The following PMM2 variants were observed in gnomAD, a reference collection of about 807,000 sequenced individuals.
PMM2 encodes the protein mannose-6-phosphate isomerase.
Under a neutral mutation model 33.2 loss-of-function variants are expected in PMM2, and 35 were observed. The ratio of observed to expected loss-of-function variants is 1.06; its 90% CI spans 0.81 to 1.40. The LOEUF (loss-of-function observed/expected upper bound fraction) is 1.40. Among genes scored for constraint, PMM2 ranks in the 40% most tolerant of loss-of-function variants. The pLI is 0.00. For synonymous variants in PMM2, 153 were observed against 114.7 expected (o/e 1.33, Z -2.13); for missense variants, 386 against 306.0 (o/e 1.26, Z -1.95).
intron 7 of PMM2, among the ~76,000 whole-genome samples, chr16:8,822,190 G>C (rs567641721): frequency 1.1e-4 from 17 of 152,288 alleles, no homozygotes; most frequent in South Asian, 2.1e-4. Flanking sequence ...GAAATCATAG[G>C]GGGTGGAAGT....
chr16:8,825,113 C>T (rs867577510), intron 7 of PMM2, among the ~76,000 whole-genome samples: 3 of 152,232 alleles, frequency 2.0e-5, no homozygotes, highest in African/African-American at 7.2e-5. Flanking sequence ...TCACTGCAAG[C>T]TCTATCTCCT....
intron 7 of PMM2, among the ~76,000 whole-genome samples, chr16:8,847,483 C>G (rs1470157571): frequency 6.6e-6 from 1 of 151,908 alleles, no homozygotes; most frequent in African/African-American, 2.4e-5. Flanking sequence ...ATCGTGATGG[C>G]TCTCATAGGC....
chr16:8,805,586 AT>A (rs56945546), intron 3 of PMM2, among the ~76,000 whole-genome samples: 14,044 of 143,102 alleles, frequency 0.098, 803 homozygotes, highest in Middle Eastern at 0.17. Flanking sequence ...CACTATAAGC[AT>A]TTTTTTTTTT....
At chr16:8,819,275 C>T (rs2060724058) in intron 7 of PMM2, among the ~76,000 whole-genome samples, 1 of 152,188 alleles carries the variant, frequency 6.6e-6, no homozygotes, top group Admixed American at 6.5e-5. Flanking sequence ...GTGGACCCAT[C>T]TCTAGGGCTT....
At position 8,804,756 on chromosome 16, in the gene PMM2, T is replaced by TGATTGTAGTAGA; in HGVS notation, c.179-11_179-10insGATTGTAGTAGA. ...TTTGCATTCTAAGTGTTTTTTTGGT[T>TGATTGTAGTAGA]TTGATTGTAGTGGTTGAAAAATACG... On this transcript the variant is annotated splice_polypyrimidine_tract_variant and intron_variant, in intron 2 of 7. Transcript: ENST00000268261. 6.2e-7 allele frequency: 1 copy of TGATTGTAGTAGA among 1,604,582 alleles called. No individual in the cohort carries two copies.
chr16:8,842,964 G>A (rs1226465329), intron 7 of PMM2, among the ~76,000 whole-genome samples: 2 of 152,102 alleles, frequency 1.3e-5, no homozygotes, highest in Non-Finnish European at 2.9e-5. Flanking sequence ...AGAGGAAGAC[G>A]CAAAGGAGGC....
At chr16:8,813,290 C>T (rs946426059) in intron 7 of PMM2, among the ~76,000 whole-genome samples, 184 bp downstream of exon 7, 6 of 152,324 alleles carry the variant, frequency 3.9e-5, no homozygotes, top group East Asian at 3.9e-4. Flanking sequence ...AGACCCCCGA[C>T]GCCTCTGTGG....
chr16:8,837,731 C>T (rs955615399), intron 7 of PMM2, among the ~76,000 whole-genome samples: 2 of 152,014 alleles, frequency 1.3e-5, no homozygotes, highest in African/African-American at 2.4e-5. Context: ...CTTGCCTCTC[C>T]GCCAGAAAAG....
intron 7 of PMM2, among the ~76,000 whole-genome samples, chr16:8,839,405 G>A (rs2060874442): frequency 6.6e-6 from 1 of 152,026 alleles, no homozygotes; most frequent in South Asian, 2.1e-4. Context: ...TAGGGCGGCA[G>A]CTGTCAGAGG....
In PMM2 at chr16:8,821,985, CAA is replaced by C. The variant is rs367727349; in HGVS notation, c.639+8880_639+8881del. Among the ~76,000 whole-genome samples, 33 of 152,334 alleles carry C rather than the reference CAA, an allele frequency of 2.2e-4. 1 individual carries two copies. In the South Asian group the frequency reaches 4.1e-3, roughly 19 times the overall value. On this transcript the variant is annotated intron_variant, in intron 7 of 7. Transcript: ENST00000268261. ...AGGTTCTCCTTGCCCACTGCCTAGA[CAA>C]GAGCCGATTTATCAAGACAGGAGAG...
rs79686490 is a variant in PMM2 at position 8,848,857 on chromosome 16, C to T, written c.*1032C>T. 4 of 152,346 alleles carry T rather than the reference C, an allele frequency of 2.6e-5. No homozygotes were observed. The highest frequency in any genetic ancestry group is 2.1e-4 in the South Asian group (1 of 4,828). The allele number at this position is 152,346 out of a possible 1,614,324, so 9.4% of individuals were successfully genotyped here. On this transcript the variant is annotated 3_prime_UTR_variant, in exon 8 of 8. Transcript: ENST00000268261. ...CTGAGTGCAGCTACAGCTAGGTCCG[C>T]GTCCCTCACTCTTTTCATCTTCTGC...
At position 8,811,675 on chromosome 16, in the gene PMM2, G is replaced by C; in HGVS notation, c.485G>C (p.Arg162Pro). ...NIRQKFVADL[R>P]KEFAGKGLTF... is the part of the protein sequence containing the mutation. ...AGACAAAAGTTTGTAGCAGATCTACGGAAAGAGTTTGCTGGAAAAGGCCTC... is the reference window on the plus strand; with the variant it reads ...AGACAAAAGTTTGTAGCAGATCTACCGAAAGAGTTTGCTGGAAAAGGCCTC... The change falls in exon 6 of 8, where the codon CGG becomes CCG. Residue 162 changes from arginine to proline, a missense_variant. By Grantham distance (103) the Arg-to-Pro change is moderately radical. Transcript: ENST00000268261. The C allele has an allele frequency of 1.9e-6, 3 of 1,613,334 alleles. No individual in the cohort carries two copies. The highest frequency in any genetic ancestry group is 2.5e-6 in the Non-Finnish European group (3 of 1,179,304).
At chr16:8,827,758 A>T (rs1432040380) in intron 7 of PMM2, among the ~76,000 whole-genome samples, 17 of 87,792 alleles carry the variant, frequency 1.9e-4, no homozygotes, top group East Asian at 1.0e-3. Context: ...ATATATATAT[A>T]TATGCACACA....
At chr16:8,837,045 C>G (rs1364348837) in intron 7 of PMM2, among the ~76,000 whole-genome samples, 1 of 151,912 alleles carries the variant, frequency 6.6e-6, no homozygotes, top group African/African-American at 2.4e-5. Context: ...GAATTGGAAC[C>G]TAGCTCAGCC....
chr16:8,836,259 G>A lies in PMM2; in HGVS notation c.640-11465G>A, dbSNP rs577233915. ...GTCCGTGATGGTTTATGGGGCTTCC[G>A]AGGGGATTGGGCAGTGTCAGTCTTC... On this transcript the variant is annotated intron_variant, in intron 7 of 7. Coordinates refer to ENST00000268261, the MANE Select transcript of PMM2 (RefSeq NM_000303.3). Among the ~76,000 whole-genome samples, 14 of 152,142 alleles carry A rather than the reference G, an allele frequency of 9.2e-5. 1 individual carries two copies. The highest frequency in any genetic ancestry group is 2.1e-4 in the South Asian group (1 of 4,830).
At chr16:8,823,363 T>C (rs1259805102) in intron 7 of PMM2, among the ~76,000 whole-genome samples, 1 of 152,212 alleles carries the variant, frequency 6.6e-6, no homozygotes, top group East Asian at 1.9e-4. Context: ...ATTCAGGATT[T>C]AGTCCAAATT....
intron 7 of PMM2, among the ~76,000 whole-genome samples, chr16:8,835,335 A>G (rs2060838188): frequency 6.6e-6 from 1 of 151,986 alleles, no homozygotes; most frequent in South Asian, 2.1e-4. Flanking sequence ...ATGCCGAGAT[A>G]GGTAACAGAT....
rs2060637515 is a variant in PMM2 at position 8,804,817 on chromosome 16, A to C, written c.229A>C (p.Lys77Gln). 6.2e-7 allele frequency: 1 copy of C among 1,612,074 alleles called. No individual in the cohort carries two copies. Among genetic ancestry groups the C allele is most frequent in the South Asian group, 1.1e-5 (1 of 91,046 alleles). ...TCCAGAAAATGGCTTGGTAGCATAC[A>C]AAGATGGGAAACTCTTGTGTAGACA... is the stretch of plus-strand genomic sequence containing the variant. ...VFPENGLVAYKDGKLLCRQNI... is the reference protein window; with the variant it reads ...VFPENGLVAYQDGKLLCRQNI... Residue 77 changes from lysine (K) to glutamine (Q), a missense_variant, in exon 3 of 8, where the codon AAA (lysine) becomes CAA (glutamine). Coordinates refer to ENST00000268261, the MANE Select transcript of PMM2 (RefSeq NM_000303.3).
chr16:8,802,883 A>G (rs1352503061), intron 2 of PMM2, among the ~76,000 whole-genome samples: 5 of 151,626 alleles, frequency 3.3e-5, no homozygotes, highest in Non-Finnish European at 1.5e-5. Context: ...TTGTTCTTTT[A>G]ACCCCTGTTG....
Sources: allele counts gnomAD v4.1 joint callset (sites outside exome capture counted in the v4.1 genomes callset), GRCh38; gene constraint gnomAD v4.1.1; transcripts MANE v1.5; gene names NCBI Gene and HGNC (gene_info 2026-07-23, HGNC 2026-07-21).